Variants in SPPL3 observed in about 807,000 individuals in gnomAD.
SPPL3 encodes signal peptide peptidase like 3, also known as signal peptide peptidase-like 3.
SPPL3 carries 5 observed loss-of-function variants against 42.4 expected under a neutral mutation model. The observed-to-expected ratio is 0.12, with a 90% confidence interval of 0.06 to 0.25. SPPL3 has a LOEUF of 0.25. SPPL3 is among the 10% of genes least tolerant of loss of function. The pLI is 1.00. For missense variants in SPPL3, 235 were observed against 489.0 expected, an observed-to-expected ratio of 0.48 and a Z score of 4.90; for synonymous variants, 195 against 181.8, an observed-to-expected ratio of 1.07 and a Z score of -0.58.
intron 1 of SPPL3, among the ~76,000 whole-genome samples, chr12:120,877,902 A>G (rs560863677): frequency 6.6e-6 from 1 of 151,482 alleles, no homozygotes; most frequent in East Asian, 1.9e-4. Context: ...CACGCCTATA[A>G]TCCCAACTAC....
Position 120,765,212 on chromosome 12 carries a change from C to T in SPPL3, c.1084-142G>A, listed in dbSNP as rs560336618. On this transcript the variant is annotated intron_variant, in intron 10 of 10. Transcript: ENST00000353487. Reference sequence around the variant, plus strand: ...CAGGCTGGTCTCAAACTCCTGGGCTCGGGCAATTCTCCTGCCTCGACCTTC... The same window carrying T: ...CAGGCTGGTCTCAAACTCCTGGGCTTGGGCAATTCTCCTGCCTCGACCTTC... 149 of 654,932 alleles carry T rather than the reference C, an allele frequency of 2.3e-4. 1 individual carries two copies. In the South Asian group the frequency reaches 2.9e-3, roughly 13 times the overall value. 40.6% of individuals were successfully genotyped at this position (654,932 alleles called of 1,614,324 possible). A position where few individuals can be genotyped will look rare whatever the true frequency, so the allele number is the denominator to read the frequency against.
chr12:120,886,156 A>AT (rs886917805), intron 1 of SPPL3, among the ~76,000 whole-genome samples: 85 of 150,830 alleles, frequency 5.6e-4, no homozygotes, highest in Non-Finnish European at 4.3e-4. Context: ...AAAAAAAAAA[A>AT]TTTTTTTTTC....
At chr12:120,799,527 C>G (rs1870217312) in intron 2 of SPPL3, among the ~76,000 whole-genome samples, 1 of 152,090 alleles carries the variant, frequency 6.6e-6, no homozygotes, top group Non-Finnish European at 1.5e-5. Flanking sequence ...ACAAGAACTG[C>G]AGCAGGGACA....
intron 1 of SPPL3, among the ~76,000 whole-genome samples, chr12:120,872,753 C>A (rs1355127091): frequency 1.3e-5 from 2 of 152,118 alleles, no homozygotes; most frequent in Non-Finnish European, 2.9e-5. Flanking sequence ...GAAAAAAGCA[C>A]GGGGCCTTAG....
chr12:120,891,452 T>C (rs984026605), intron 1 of SPPL3, among the ~76,000 whole-genome samples: 2 of 151,778 alleles, frequency 1.3e-5, no homozygotes, highest in African/African-American at 2.4e-5. Flanking sequence ...TGAATAATTA[T>C]AAAACAAAGG....
At chr12:120,781,494 A>G (rs1254866726) in intron 6 of SPPL3, among the ~76,000 whole-genome samples, 3 of 150,526 alleles carry the variant, frequency 2.0e-5, no homozygotes, top group Non-Finnish European at 4.4e-5. Flanking sequence ...TACTACATAT[A>G]TAATATAGAG....
At chr12:120,779,037 G>C (rs934077891) in intron 6 of SPPL3, among the ~76,000 whole-genome samples, 1 of 152,026 alleles carries the variant, frequency 6.6e-6, no homozygotes, top group African/African-American at 2.4e-5. Flanking sequence ...AGTGAGTTAG[G>C]ATCATGTTAC....
At chr12:120,771,208 T>A (rs58333959) in intron 6 of SPPL3, among the ~76,000 whole-genome samples, 2,763 of 152,250 alleles carry the variant, frequency 0.018, 84 homozygotes, top group African/African-American at 0.063. Context: ...CAACTTCCCA[T>A]AGAGTAAAAG....
intron 1 of SPPL3, among the ~76,000 whole-genome samples, chr12:120,864,532 C>CA (rs1350323331): frequency 6.6e-6 from 1 of 152,090 alleles, no homozygotes; most frequent in Non-Finnish European, 1.5e-5. Flanking sequence ...AACCCCATCT[C>CA]AAAAAACAAA....
At chr12:120,778,111 ATTTTT>A (rs57779322) in intron 6 of SPPL3, among the ~76,000 whole-genome samples, 2,003 of 90,946 alleles carry the variant, frequency 0.022, 20 homozygotes, top group South Asian at 0.1. Flanking sequence ...CTGAAAAGCA[ATTTTT>A]TTTTTTTTTT....
Position 120,767,507 on chromosome 12 carries a change from T to C in SPPL3, c.860A>G (p.Asn287Ser). 1 of 1,614,138 alleles carries C rather than the reference T, an allele frequency of 6.2e-7. No homozygotes were observed. The highest frequency in any genetic ancestry group is 1.7e-4 in the Middle Eastern group (1 of 6,060). ...LLLCFVLRYDNYKKQASGDSC... is the reference protein window; with the variant it reads ...LLLCFVLRYDSYKKQASGDSC... ...GTCCCCACTGGCTTGCTTTTTGTAG[T>C]TGTCATAGCGAAGGACAAAGCATAG... The change falls in exon 9 of 11, where the codon AAC becomes AGC. Residue 287 changes from asparagine to serine, a missense_variant. Physicochemically the swap from Asn to Ser is conservative, Grantham distance 46 (BLOSUM62 1). Coordinates refer to ENST00000353487, the MANE Select transcript of SPPL3 (RefSeq NM_139015.5).
At position 120,768,692 on chromosome 12, in the gene SPPL3, G is replaced by A. The variant is rs1868996179; in HGVS notation, c.610-204C>T. On this transcript the variant is annotated intron_variant, in intron 7 of 10. Transcript: ENST00000353487. The stretch of plus-strand genomic sequence containing the variant: ...CACACCCAGAGATTACTCCCTGACG[G>A]GGTGGCCCCCACTGCAGCGAATCTT... 7 of 669,698 alleles carry A rather than the reference G, an allele frequency of 1.0e-5. No individual in the cohort carries two copies. The South Asian group carries it at 1.4e-4, about 13-fold the overall frequency. 41.5% of individuals were successfully genotyped at this position (669,698 alleles called of 1,614,324 possible). A position where few individuals can be genotyped will look rare whatever the true frequency, so the allele number is the denominator to read the frequency against.
chr12:120,892,216 T>C (rs1176410140), intron 1 of SPPL3, among the ~76,000 whole-genome samples: 1 of 152,196 alleles, frequency 6.6e-6, no homozygotes, highest in East Asian at 1.9e-4. Flanking sequence ...GCACCTACTA[T>C]CTGTAGGTCC....
At chr12:120,791,888 C>T (rs1300916791) in intron 2 of SPPL3, 1 of 289,206 alleles carries the variant, frequency 3.5e-6, no homozygotes, top group Non-Finnish European at 6.6e-6. Flanking sequence ...GAGACTTTTA[C>T]ATACCACACA....
intron 1 of SPPL3, among the ~76,000 whole-genome samples, chr12:120,850,658 G>A (rs969888202): frequency 2.0e-5 from 3 of 152,164 alleles, no homozygotes; most frequent in African/African-American, 7.2e-5. Flanking sequence ...TCCTACTGCT[G>A]CTGTAGAAAT....
chr12:120,808,887 AAT>A lies in SPPL3; in HGVS notation c.101+1920_101+1921del, dbSNP rs1870589360. On this transcript the variant is annotated intron_variant, in intron 2 of 10. Transcript: ENST00000353487. ...TGTGTTTAATTGCAAAGTCCTTTGA[AAT>A]ATTAATGCATTATATACTCAAAGGG... is the stretch of plus-strand genomic sequence containing the variant. 2.6e-5 allele frequency among the ~76,000 whole-genome samples: 4 copies of A among 152,350 alleles called. No individual in the cohort carries two copies. In the South Asian group the frequency reaches 8.3e-4, roughly 32 times the overall value.
intron 1 of SPPL3, among the ~76,000 whole-genome samples, chr12:120,816,240 C>A (rs1007307763): frequency 3.9e-5 from 6 of 152,084 alleles, no homozygotes; most frequent in Non-Finnish European, 7.4e-5. Context: ...GAACTAAATG[C>A]CTGATTTCAA....
chr12:120,774,839 T>C (rs1163745074), intron 6 of SPPL3, among the ~76,000 whole-genome samples: 3 of 152,062 alleles, frequency 2.0e-5, no homozygotes, highest in Admixed American at 6.6e-5. Flanking sequence ...CCTGAGACTC[T>C]CTCTTATAGG....
chr12:120,834,383 T>A (rs549247749), intron 1 of SPPL3, among the ~76,000 whole-genome samples: 2 of 152,092 alleles, frequency 1.3e-5, no homozygotes, highest in Admixed American at 1.3e-4. Context: ...CCAACAGGGG[T>A]TGGAGTGGGC....
Sources: gnomAD v4.1 joint callset for allele counts (sites outside exome capture counted in the v4.1 genomes callset) on GRCh38, gnomAD v4.1.1 for gene constraint, MANE v1.5 for transcripts, NCBI Gene and HGNC (gene_info 2026-07-23, HGNC 2026-07-21) for gene names.